The following TYW1 variants were observed in gnomAD, a reference collection of about 807,000 sequenced individuals.
TYW1 encodes the protein S-adenosyl-L-methionine-dependent tRNA 4-demethylwyosine synthase TYW1.
Under a neutral mutation model 96.2 loss-of-function variants are expected in TYW1, and 46 were observed. That is an observed-to-expected ratio of 0.48 (90% confidence interval 0.38 to 0.61). TYW1 has a LOEUF of 0.61. TYW1 is among the 20% of genes least tolerant of loss of function. The pLI, the probability that TYW1 is intolerant of heterozygous loss-of-function variation, is 0.00. For missense variants in TYW1, 684 were observed against 909.6 expected, an observed-to-expected ratio of 0.75 and a Z score of 3.19; for synonymous variants, 274 against 323.0, an observed-to-expected ratio of 0.85 and a Z score of 1.63.
chr7:67,098,837 T>C, intron 12 of TYW1, 119 bp downstream of exon 12: 3 of 1,162,738 alleles, frequency 2.6e-6, no homozygotes, highest in Non-Finnish European at 3.6e-6. Context: ...ATACAAATGT[T>C]GGGCTTTGGG....
At chr7:67,129,725 TA>T (rs1343000524) in intron 13 of TYW1, among the ~76,000 whole-genome samples, 2 of 152,242 alleles carry the variant, frequency 1.3e-5, no homozygotes, top group African/African-American at 4.8e-5. Context: ...TAAAATCTGA[TA>T]GTATAAGTCT....
intron 12 of TYW1, among the ~76,000 whole-genome samples, chr7:67,101,291 T>C (rs1484578743): frequency 2.0e-5 from 3 of 152,112 alleles, no homozygotes; most frequent in Non-Finnish European, 4.4e-5. Context: ...TATCTGTGTT[T>C]TACTGTCTGC....
At chr7:67,236,998 G>A (rs942550048) in intron 15 of TYW1, among the ~76,000 whole-genome samples, 5 of 152,058 alleles carry the variant, frequency 3.3e-5, no homozygotes, top group Non-Finnish European at 5.9e-5. Context: ...CGATTCTCCT[G>A]CCTCAGCCTC....
intron 10 of TYW1, 100 bp from the exon 11 acceptor site, chr7:67,083,330 C>T: frequency 8.3e-7 from 1 of 1,202,246 alleles, no homozygotes; most frequent in South Asian, 1.3e-5. Flanking sequence ...GGAAACCAGT[C>T]CTGATTTTGT....
intron 7 of TYW1, among the ~76,000 whole-genome samples, chr7:67,027,973 G>C (rs1044647710): frequency 3.3e-5 from 5 of 149,904 alleles, no homozygotes; most frequent in Middle Eastern, 7.0e-3. Context: ...GGTGGCTCAT[G>C]CTTGTAATCC....
At chr7:67,093,880 G>T (rs1259459432) in intron 11 of TYW1, among the ~76,000 whole-genome samples, 1 of 152,054 alleles carries the variant, frequency 6.6e-6, no homozygotes, top group Non-Finnish European at 1.5e-5. Context: ...TGTATTAGGG[G>T]TACATGTGCA....
intron 14 of TYW1, among the ~76,000 whole-genome samples, chr7:67,191,232 G>C (rs1319089278): frequency 6.6e-6 from 1 of 152,176 alleles, no homozygotes. Context: ...CAACACTGGG[G>C]ATCACATTTC....
At chr7:67,013,858 C>T (rs1446091750) in intron 4 of TYW1, among the ~76,000 whole-genome samples, 1 of 150,666 alleles carries the variant, frequency 6.6e-6, no homozygotes, top group Non-Finnish European at 1.5e-5. Flanking sequence ...ATTCTCCTGC[C>T]TCAGCCTCCT....
chr7:67,065,843 T>A (rs1019029993), intron 9 of TYW1, among the ~76,000 whole-genome samples: 25 of 152,148 alleles, frequency 1.6e-4, no homozygotes, highest in African/African-American at 5.5e-4. Flanking sequence ...AAACCCTGTA[T>A]CTACAAAAAA....
chr7:67,115,954 T>G (rs1030279274), intron 12 of TYW1, among the ~76,000 whole-genome samples: 6 of 152,136 alleles, frequency 3.9e-5, no homozygotes, highest in Non-Finnish European at 8.8e-5. Context: ...GGGGAATTTG[T>G]TTTTTCTAGT....
At chr7:67,164,220 A>C (rs571046879) in intron 13 of TYW1, among the ~76,000 whole-genome samples, 1 of 152,090 alleles carries the variant, frequency 6.6e-6, no homozygotes, top group African/African-American at 2.4e-5. Context: ...AATTCATTTA[A>C]ATTTTTTTGG....
intron 10 of TYW1, among the ~76,000 whole-genome samples, chr7:67,074,095 A>G (rs2115716731): frequency 6.6e-6 from 1 of 152,056 alleles, no homozygotes; most frequent in African/African-American, 2.4e-5. Context: ...AAAAGAAATA[A>G]AATGTGACCA....
intron 12 of TYW1, among the ~76,000 whole-genome samples, chr7:67,112,100 C>CAAAAAAAAAAA (rs538839042): frequency 5.2e-4 from 49 of 94,812 alleles, no homozygotes; most frequent in African/African-American, 1.5e-3. Context: ...CTCTGTCTGA[C>CAAAAAAAAAAA]AAAAAAAAAA....
At position 67,067,334 on chromosome 7, in the gene TYW1, T is replaced by C. The variant is rs938687163; in HGVS notation, c.1205T>C (p.Ile402Thr). 1 of 1,613,874 alleles carries C rather than the reference T, an allele frequency of 6.2e-7. No individual in the cohort carries two copies. The highest frequency in any genetic ancestry group is 1.3e-5 in the African/African-American group (1 of 74,926). ...TGTTACAAACACACATTCTATGGAA[T>C]TGAGAGCCATCGCTGCATGGAAACC... ...GGCYKHTFYGIESHRCMETTP... is the reference protein window; with the variant it reads ...GGCYKHTFYGTESHRCMETTP... The change falls in exon 10 of 16, where the codon ATT becomes ACT. Residue 402 changes from isoleucine (I) to threonine (T), a missense_variant. Physicochemically the swap from Ile to Thr is moderately conservative, Grantham distance 89. Coordinates refer to ENST00000359626, the MANE Select transcript of TYW1 (RefSeq NM_018264.4).
chr7:67,230,414 A>G (rs1801713267), intron 15 of TYW1, among the ~76,000 whole-genome samples: 2 of 149,230 alleles, frequency 1.3e-5, no homozygotes, highest in African/African-American at 2.5e-5. Flanking sequence ...AGTTTTGTCA[A>G]AATTCTACAT....
intron 6 of TYW1, among the ~76,000 whole-genome samples, chr7:67,019,450 G>A (rs964082529): frequency 3.3e-5 from 5 of 152,098 alleles, no homozygotes; most frequent in African/African-American, 1.2e-4. Flanking sequence ...TGCCCGCCTC[G>A]GCCTCCCAAA....
chr7:67,173,428 G>A (rs964701201), intron 13 of TYW1, among the ~76,000 whole-genome samples: 5 of 152,092 alleles, frequency 3.3e-5, no homozygotes, highest in African/African-American at 1.2e-4. Flanking sequence ...ACAACTAAAG[G>A]CTCGATTGAC....
chr7:67,076,301 G>T (rs1851421), intron 10 of TYW1, among the ~76,000 whole-genome samples: 5,798 of 152,190 alleles, frequency 0.038, 309 homozygotes, highest in East Asian at 0.16. Context: ...AAGTGCTGGC[G>T]AGTGTACCCT....
chr7:67,057,095 A>G (rs1485638255), intron 9 of TYW1, among the ~76,000 whole-genome samples: 3 of 150,098 alleles, frequency 2.0e-5, no homozygotes, highest in Admixed American at 6.6e-5. Context: ...GCTCACTGCA[A>G]CCTCCGCCTC....
Sources: allele counts gnomAD v4.1 joint callset (sites outside exome capture counted in the v4.1 genomes callset), GRCh38; gene constraint gnomAD v4.1.1; transcripts MANE v1.5; gene names NCBI Gene and HGNC (gene_info 2026-07-23, HGNC 2026-07-21).